SPIDR: variants seen among roughly 807,000 people sequenced by gnomAD.
SPIDR encodes the protein DNA repair-scaffolding protein.
In SPIDR, 93 loss-of-function variants were observed where a neutral mutation model predicts 104.6. That is an observed-to-expected ratio of 0.89 (90% CI 0.75 to 1.06). The LOEUF (loss-of-function observed/expected upper bound fraction) is 1.06. SPIDR is among the 50% of genes least tolerant of loss of function. SPIDR has a pLI of 0.00. For missense variants in SPIDR, 1,154 were observed against 1,111.2 expected, an observed-to-expected ratio of 1.04 and a Z score of -0.55; for synonymous variants, 431 against 416.9, an observed-to-expected ratio of 1.03 and a Z score of -0.41.
At chr8:47,380,532 T>G (rs1289420024) in intron 5 of SPIDR, among the ~76,000 whole-genome samples, 1 of 151,972 alleles carries the variant, frequency 6.6e-6, no homozygotes, top group Non-Finnish European at 1.5e-5. Flanking sequence ...GTGCCTTTCT[T>G]GAGCCTCGTG....
intron 10 of SPIDR, among the ~76,000 whole-genome samples, chr8:47,617,014 T>C (rs2064412757): frequency 6.6e-6 from 1 of 152,222 alleles, no homozygotes. Context: ...AGATATTTTG[T>C]AGAGGATCCC....
intron 8 of SPIDR, among the ~76,000 whole-genome samples, chr8:47,554,903 A>G (rs959568522): frequency 1.3e-5 from 2 of 152,220 alleles, no homozygotes; most frequent in Admixed American, 6.5e-5. Context: ...GTGTTTAAAT[A>G]CATATTGCAC....
chr8:47,735,113 T>TGG (rs1563706210), intron 19 of SPIDR, among the ~76,000 whole-genome samples, 194 bp from the exon 20 acceptor site: 2 of 125,438 alleles, frequency 1.6e-5, no homozygotes, highest in Non-Finnish European at 3.4e-5. Context: ...TGTGTGTGGG[T>TGG]GTGTGTGTGT....
intron 8 of SPIDR, among the ~76,000 whole-genome samples, chr8:47,445,484 A>G (rs1554700927): frequency 6.6e-6 from 1 of 152,158 alleles, no homozygotes; most frequent in Non-Finnish European, 1.5e-5. Flanking sequence ...ATGAGACACA[A>G]CAGTATTGAA....
intron 11 of SPIDR, among the ~76,000 whole-genome samples, chr8:47,689,854 G>A (rs1366760247): frequency 2.6e-5 from 4 of 152,162 alleles, no homozygotes; most frequent in African/African-American, 4.8e-5. Context: ...AAGCCTGGTC[G>A]CTTGATAAAG....
intron 5 of SPIDR, among the ~76,000 whole-genome samples, chr8:47,363,905 C>T (rs1194590979): frequency 1.3e-5 from 2 of 151,094 alleles, no homozygotes; most frequent in Non-Finnish European, 2.9e-5. Context: ...AGGAAAATCA[C>T]ATCACTCTCT....
intron 8 of SPIDR, among the ~76,000 whole-genome samples, chr8:47,591,153 T>C (rs1474455720): frequency 6.6e-6 from 1 of 151,936 alleles, no homozygotes; most frequent in African/African-American, 2.4e-5. Flanking sequence ...TATTGATACA[T>C]TAGGGCTTAA....
chr8:47,732,481 C>T lies in SPIDR; in HGVS notation c.2605-2826C>T, dbSNP rs978232492. 3 of 422,038 alleles carry T rather than the reference C, an allele frequency of 7.1e-6. No individual in the cohort carries two copies. The East Asian group carries it at 1.4e-4, about 19-fold the overall frequency. The allele number at this position is 422,038 out of a possible 1,614,324, so 26.1% of individuals were successfully genotyped here. A position where few individuals can be genotyped will look rare whatever the true frequency, so the allele number is the denominator to read the frequency against. ...AGCCTTAGTATCACCTTTTTGGGTG[C>T]TCTGGTTTCAGGGCCAATACCAGTG... is the stretch of plus-strand genomic sequence containing the variant. On this transcript the variant is annotated intron_variant, in intron 19 of 19. Transcript: ENST00000297423.
chr8:47,460,861 G>A (rs1157467308), intron 8 of SPIDR, among the ~76,000 whole-genome samples: 6 of 152,080 alleles, frequency 3.9e-5, no homozygotes, highest in African/African-American at 7.2e-5. Flanking sequence ...TGGTAGTGGC[G>A]AATTCTCTCA....
At chr8:47,355,203 A>G (rs1356883371) in intron 5 of SPIDR, among the ~76,000 whole-genome samples, 1 of 141,734 alleles carries the variant, frequency 7.1e-6, no homozygotes, top group Non-Finnish European at 1.5e-5. Flanking sequence ...TGGTCCACCC[A>G]CCTTGGCCTC....
intron 8 of SPIDR, chr8:47,592,573 G>A (rs2061160753): frequency 7.8e-7 from 1 of 1,285,566 alleles, no homozygotes; most frequent in East Asian, 2.3e-5. Flanking sequence ...GCAAACCCTG[G>A]GTTTCCTTGA....
At chr8:47,731,282 C>T (rs2085183446) in intron 19 of SPIDR, among the ~76,000 whole-genome samples, 1 of 152,056 alleles carries the variant, frequency 6.6e-6, no homozygotes, top group African/African-American at 2.4e-5. Context: ...CTTCTGCTCC[C>T]TCCTGGCACA....
At chr8:47,300,165 C>G (rs2041784783) in intron 5 of SPIDR, among the ~76,000 whole-genome samples, 1 of 152,142 alleles carries the variant, frequency 6.6e-6, no homozygotes, top group Non-Finnish European at 1.5e-5. Context: ...CAGCTTCTTG[C>G]TGGTTTAGTC....
chr8:47,260,920 G>A (rs1489597900), upstream of SPIDR: 2 of 1,220,542 alleles, frequency 1.6e-6, no homozygotes, highest in East Asian at 3.3e-5. Context: ...GGACGGCGGC[G>A]CGCTGAGGAG....
chr8:47,685,524 T>TTTTTTTTA (rs2077694262), intron 11 of SPIDR, among the ~76,000 whole-genome samples: 1 of 149,240 alleles, frequency 6.7e-6, no homozygotes, highest in Non-Finnish European at 1.5e-5. Context: ...TTTATTTTTT[T>TTTTTTTTA]GAGACAGTCT....
intron 8 of SPIDR, chr8:47,511,405 T>C (rs2082300540): frequency 2.4e-6 from 2 of 847,916 alleles, no homozygotes; most frequent in Non-Finnish European, 4.1e-6. Flanking sequence ...GAAGGCTTAT[T>C]TGGACTTCAT....
intron 1 of SPIDR, among the ~76,000 whole-genome samples, chr8:47,272,588 C>T (rs2035552400): frequency 6.6e-6 from 1 of 152,108 alleles, no homozygotes; most frequent in African/African-American, 2.4e-5. Context: ...ATTTGTAATG[C>T]CAGTTTAACC....
intron 8 of SPIDR, among the ~76,000 whole-genome samples, chr8:47,513,389 C>T (rs577033977): frequency 4.0e-4 from 61 of 152,224 alleles, no homozygotes; most frequent in African/African-American, 1.1e-3. Flanking sequence ...AATCACTATA[C>T]GGGTTTAGCT....
intron 5 of SPIDR, among the ~76,000 whole-genome samples, chr8:47,363,718 C>T (rs2056625914): frequency 6.6e-6 from 1 of 151,926 alleles, no homozygotes; most frequent in Non-Finnish European, 1.5e-5. Flanking sequence ...TTTTGCCATC[C>T]ATAGAACTGA....
Sources: allele counts gnomAD v4.1 joint callset (sites outside exome capture counted in the v4.1 genomes callset), GRCh38; gene constraint gnomAD v4.1.1; transcripts MANE v1.5; gene names NCBI Gene and HGNC (gene_info 2026-07-23, HGNC 2026-07-21).